The following USP30 variants were observed in gnomAD, a reference collection of about 807,000 sequenced individuals.
USP30 encodes the protein ubiquitin carboxyl-terminal hydrolase 30.
In USP30, 41 loss-of-function variants were observed where a neutral mutation model predicts 68.2. The observed-to-expected ratio is 0.60, with a 90% confidence interval of 0.47 to 0.78. The LOEUF (loss-of-function observed/expected upper bound fraction) is 0.78. USP30 is among the 30% of genes least tolerant of loss of function. The probability of loss-of-function intolerance (pLI) is 0.00; values close to 1 mark genes in which losing one functional copy is unlikely to be tolerated. For missense variants in USP30, 522 were observed against 649.4 expected, an observed-to-expected ratio of 0.80 and a Z score of 2.13; for synonymous variants, 229 against 253.7, an observed-to-expected ratio of 0.90 and a Z score of 0.93.
chr12:109,085,863 C>T lies in USP30; in HGVS notation c.1486C>T (p.Leu496=), dbSNP rs755230207. 27 of 1,614,258 alleles carry T rather than the reference C, an allele frequency of 1.7e-5. No individual in the cohort carries two copies. Among genetic ancestry groups the T allele is most frequent in the Non-Finnish European group, 2.3e-5 (27 of 1,180,044 alleles). ...GGAGGTCCTGTCCTCCAGCGCCTAC[C>T]TGCTGTTCTACGAGCGCGTCCTTTC... The part of the protein sequence containing the change: ...LQEVLSSSAY[L]LFYERVLSRM... The change falls in exon 13 of 13, where the codon CTG becomes TTG. Residue 496 remains leucine, a synonymous_variant. Transcript: ENST00000257548.
intron 6 of USP30, among the ~76,000 whole-genome samples, chr12:109,073,206 G>T (rs1018628369): frequency 1.3e-5 from 2 of 152,152 alleles, no homozygotes; most frequent in Admixed American, 1.3e-4. Context: ...TTAAAATGTG[G>T]CTCTACCCAT....
At chr12:109,075,331 C>T (rs1361019544) in intron 7 of USP30, among the ~76,000 whole-genome samples, 1 of 152,144 alleles carries the variant, frequency 6.6e-6, no homozygotes, top group Non-Finnish European at 1.5e-5. Flanking sequence ...CTCTCCACAC[C>T]CTCGGCAACA....
chr12:109,057,806 A>C, intron 2 of USP30, 120 bp from the exon 3 acceptor site: 1 of 1,117,120 alleles, frequency 9.0e-7, no homozygotes, highest in Non-Finnish European at 1.3e-6. Flanking sequence ...GTGGATAAGG[A>C]TCTTCTTGGA....
At chr12:109,083,555 C>A (rs1036744908) in intron 11 of USP30, among the ~76,000 whole-genome samples, 1 of 152,076 alleles carries the variant, frequency 6.6e-6, no homozygotes, top group Non-Finnish European at 1.5e-5. Flanking sequence ...TAGCTATTAT[C>A]GCCGGTCTTA....
upstream of USP30, among the ~76,000 whole-genome samples, chr12:109,051,091 A>G (rs2040662586): frequency 2.0e-5 from 3 of 152,010 alleles, no homozygotes; most frequent in Admixed American, 2.0e-4. Context: ...GGTTCTTGCT[A>G]TGTTGCCCAG....
At chr12:109,040,906 T>G (rs182387941) in intron 3 of USP30, among the ~76,000 whole-genome samples, 1 of 152,338 alleles carries the variant, frequency 6.6e-6, no homozygotes, top group Non-Finnish European at 1.5e-5. Flanking sequence ...GGGGGATCAT[T>G]GGGGACATAT....
chr12:109,081,417 T>C, intron 8 of USP30, 24 bp downstream of exon 8: 1 of 1,612,478 alleles, frequency 6.2e-7, no homozygotes, highest in Non-Finnish European at 8.5e-7. Context: ...TATGGTTTAT[T>C]TGGAGTCTGT....
At chr12:109,027,142 A>G (rs926647107) in intron 2 of USP30, among the ~76,000 whole-genome samples, 3 of 152,208 alleles carry the variant, frequency 2.0e-5, no homozygotes, top group Non-Finnish European at 4.4e-5. Context: ...GGCTTAGAGT[A>G]TATTCATAAT....
At chr12:109,046,744 T>C (rs1300094193) in intron 3 of USP30, among the ~76,000 whole-genome samples, 1 of 152,134 alleles carries the variant, frequency 6.6e-6, no homozygotes, top group Non-Finnish European at 1.5e-5. Context: ...TCGCCCAGGC[T>C]GGAGTGCAGT....
intron 1 of USP30, among the ~76,000 whole-genome samples, chr12:109,055,229 T>C (rs2040806034): frequency 6.6e-6 from 1 of 150,850 alleles, no homozygotes; most frequent in Non-Finnish European, 1.5e-5. Flanking sequence ...AAATCTTTAA[T>C]TTTATAAATA....
intron 3 of USP30, among the ~76,000 whole-genome samples, chr12:109,061,557 T>C (rs977930261): frequency 6.6e-6 from 1 of 151,894 alleles, no homozygotes; most frequent in Non-Finnish European, 1.5e-5. Flanking sequence ...TACAGGCACA[T>C]GCCACCAGGC....
At chr12:109,052,447 G>A, upstream of USP30, 3 of 397,042 alleles carry the variant, frequency 7.6e-6, 1 homozygote, top group South Asian at 1.5e-4. Flanking sequence ...AGCAACCGAC[G>A]CCGGGGCCTG....
At chr12:109,055,400 A>ATATATATATAT (rs1298811530) in intron 1 of USP30, among the ~76,000 whole-genome samples, 8 of 24,474 alleles carry the variant, frequency 3.3e-4, no homozygotes, top group African/African-American at 7.8e-4. Flanking sequence ...ATATATATAT[A>ATATATATATAT]TTTTTTTTTT....
intron 7 of USP30, among the ~76,000 whole-genome samples, chr12:109,079,351 CTTTTTTT>C (rs71079521): frequency 1.1e-3 from 56 of 48,756 alleles, no homozygotes; most frequent in East Asian, 2.0e-3. Context: ...TTTTTTTTTT[CTTTTTTT>C]TTTTTTTTTT....
intron 8 of USP30, 94 bp from the exon 9 acceptor site, chr12:109,081,838 CA>C (rs947860571): frequency 3.2e-6 from 4 of 1,267,760 alleles, no homozygotes; most frequent in Non-Finnish European, 4.6e-6. Flanking sequence ...CTGCATACAT[CA>C]AAATAAAGCT....
intron 3 of USP30, among the ~76,000 whole-genome samples, chr12:109,035,871 A>G (rs931957737): frequency 1.6e-4 from 25 of 152,190 alleles, no homozygotes; most frequent in Admixed American, 1.4e-3. Flanking sequence ...TTATATACAA[A>G]AAATACATGG....
chr12:109,087,529 G>A lies in USP30; in HGVS notation c.*1598G>A, dbSNP rs117645666. ...TGTACGGTCCGTCCTGCACTCACCC[G>A]ATGCAGACCTTGACTTTGATGTTGA... On this transcript the variant is annotated 3_prime_UTR_variant, in exon 13 of 13. Transcript: ENST00000257548. 0.018 allele frequency: 2,678 copies of A among 152,394 alleles called. 36 individuals are homozygous for A. Among genetic ancestry groups the A allele is most frequent in the Middle Eastern group, 0.065 (19 of 294 alleles). The allele number at this position is 152,394 out of a possible 1,614,324, so 9.4% of individuals were successfully genotyped here.
chr12:109,026,390 T>A (rs1284107421), intron 2 of USP30, among the ~76,000 whole-genome samples: 1 of 151,916 alleles, frequency 6.6e-6, no homozygotes, highest in Non-Finnish European at 1.5e-5. Flanking sequence ...ATAATTTTTA[T>A]TGTGGTAAAT....
At chr12:109,023,617 C>G (rs1181482239) in intron 1 of USP30, among the ~76,000 whole-genome samples, 1 of 140,798 alleles carries the variant, frequency 7.1e-6, no homozygotes, top group African/African-American at 2.6e-5. Flanking sequence ...ACTCATGTGC[C>G]TTAATCAGGA....
Sources: allele counts gnomAD v4.1 joint callset (sites outside exome capture counted in the v4.1 genomes callset), GRCh38; gene constraint gnomAD v4.1.1; transcripts MANE v1.5; gene names NCBI Gene and HGNC (gene_info 2026-07-23, HGNC 2026-07-21).